The following PTPRZ1 variants were observed in gnomAD, a reference collection of about 807,000 sequenced individuals.
PTPRZ1 encodes the protein protein tyrosine phosphatase receptor type Z1, also known as receptor-type tyrosine-protein phosphatase zeta.
In PTPRZ1, 82 loss-of-function variants were observed where a neutral mutation model predicts 214.1. The ratio of observed to expected loss-of-function variants is 0.38; its 90% CI spans 0.32 to 0.46. The LOEUF (loss-of-function observed/expected upper bound fraction) is 0.46, where lower values mean the gene tolerates loss of function less well. Ranked by LOEUF, PTPRZ1 falls within the 20% of genes least tolerant of loss-of-function variation. The pLI is 1.00. For missense variants in PTPRZ1, 2,603 were observed against 2,748.7 expected (o/e 0.95, Z 1.19); for synonymous variants, 945 against 987.9 (o/e 0.96, Z 0.81).
intron 8 of PTPRZ1, among the ~76,000 whole-genome samples, chr7:121,990,138 C>T (rs1449511324): frequency 3.9e-5 from 6 of 152,094 alleles, no homozygotes; most frequent in Non-Finnish European, 8.8e-5. Flanking sequence ...TATCTAACAT[C>T]CTCATTTTGA....
rs781404031 is a variant in PTPRZ1, at chr7:122,012,567, C to T, written c.3521C>T (p.Ala1174Val). The T allele has an allele frequency of 6.2e-7, 1 of 1,613,534 alleles. No individual in the cohort carries two copies. Among genetic ancestry groups the T allele is most frequent in the Non-Finnish European group, 8.5e-7 (1 of 1,179,474 alleles). ...STQLLFYETS[A>V]SFSTEVLLQP... is the part of the protein sequence containing the mutation. Reference sequence around the variant, plus strand: ...CAGCTCTTATTTTATGAGACCTCAGCTTCTTTTAGTACTGAAGTATTGCTA... The same window carrying T: ...CAGCTCTTATTTTATGAGACCTCAGTTTCTTTTAGTACTGAAGTATTGCTA... The change falls in exon 12 of 30, where the codon GCT (alanine) becomes GTT (valine). Residue 1174 changes from alanine (A) to valine (V), a missense_variant. Coordinates refer to ENST00000393386, the MANE Select transcript of PTPRZ1 (RefSeq NM_002851.3).
chr7:121,958,347 A>G (rs943924001), intron 2 of PTPRZ1, among the ~76,000 whole-genome samples: 1 of 152,090 alleles, frequency 6.6e-6, no homozygotes, highest in African/African-American at 2.4e-5. Flanking sequence ...TGTTGAAACC[A>G]TGTTTCTATG....
intron 12 of PTPRZ1, among the ~76,000 whole-genome samples, chr7:122,016,833 A>G (rs900543996): frequency 3.3e-5 from 5 of 152,046 alleles, no homozygotes; most frequent in Admixed American, 6.6e-5. Flanking sequence ...GCATAATTAT[A>G]TAAGCTTACT....
rs770138838 is a variant in PTPRZ1, at chr7:121,928,234, C to T, written c.124+13C>T. 1 of 1,571,014 alleles carries T rather than the reference C, an allele frequency of 6.4e-7. No individual in the cohort carries two copies. The highest frequency in any genetic ancestry group is 1.2e-5 in the South Asian group (1 of 85,218). On this transcript the variant is annotated intron_variant, in intron 2 of 29. Transcript: ENST00000393386. ...TGGTCCTATACAGGTAAACATATTA[C>T]TTATATAATGAGATTTAGCAGAAAC... is the stretch of plus-strand genomic sequence containing the variant.
intron 1 of PTPRZ1, chr7:121,908,659 A>C (rs1053660967): frequency 2.2e-6 from 1 of 450,520 alleles, no homozygotes; most frequent in Non-Finnish European, 4.3e-6. Context: ...GCTTTTAAAA[A>C]TTAAAAACTT....
chr7:122,035,678 C>A (rs997631261), intron 17 of PTPRZ1, among the ~76,000 whole-genome samples: 3 of 152,170 alleles, frequency 2.0e-5, no homozygotes, highest in African/African-American at 7.2e-5. Context: ...CTTCCATTTG[C>A]ACATACATTC....
intron 4 of PTPRZ1, 90 bp from the exon 5 acceptor site, chr7:121,976,083 G>T (rs984554804): frequency 1.2e-6 from 1 of 814,942 alleles, no homozygotes; most frequent in East Asian, 2.5e-5. Flanking sequence ...ATTTATAAAA[G>T]ATTTTGGAAA....
intron 1 of PTPRZ1, among the ~76,000 whole-genome samples, chr7:121,920,919 C>A (rs555055618): frequency 6.6e-6 from 1 of 152,010 alleles, no homozygotes; most frequent in South Asian, 2.1e-4. Context: ...AAATAGGTTA[C>A]CAAACAGTGT....
chr7:122,036,959 T>C (rs1280298318), intron 18 of PTPRZ1, among the ~76,000 whole-genome samples: 1 of 152,174 alleles, frequency 6.6e-6, no homozygotes, highest in Non-Finnish European at 1.5e-5. Context: ...TAGATTCAGA[T>C]AGGTTTCTAA....
At chr7:122,043,076 A>C (rs549561470) in intron 22 of PTPRZ1, among the ~76,000 whole-genome samples, 5 of 152,286 alleles carry the variant, frequency 3.3e-5, no homozygotes, top group Non-Finnish European at 5.9e-5. Context: ...CATACCAGTT[A>C]TCCTCCTCCT....
intron 17 of PTPRZ1, among the ~76,000 whole-genome samples, chr7:122,035,437 G>T (rs1017643089): frequency 6.6e-6 from 1 of 152,150 alleles, no homozygotes; most frequent in African/African-American, 2.4e-5. Flanking sequence ...TAGAACATAC[G>T]CATCAGGTAA....
intron 1 of PTPRZ1, among the ~76,000 whole-genome samples, chr7:121,902,213 G>A (rs923488797): frequency 6.6e-5 from 10 of 152,098 alleles, no homozygotes; most frequent in African/African-American, 2.2e-4. Context: ...GATGTTCTGT[G>A]ATGTATATAT....
chr7:121,877,768 G>C (rs1471712780), intron 1 of PTPRZ1, among the ~76,000 whole-genome samples: 1 of 152,136 alleles, frequency 6.6e-6, no homozygotes, highest in Non-Finnish European at 1.5e-5. Context: ...TTCACAACTA[G>C]TCGAAAATAA....
intron 6 of PTPRZ1, 70 bp from the exon 7 acceptor site, chr7:121,983,595 T>G: frequency 7.3e-7 from 1 of 1,364,306 alleles, no homozygotes; most frequent in Non-Finnish European, 1.0e-6. Context: ...TGTCTCTGTT[T>G]CATAGAAGTT....
chr7:121,873,943 G>T (rs1257218494), intron 1 of PTPRZ1, among the ~76,000 whole-genome samples: 3 of 152,088 alleles, frequency 2.0e-5, no homozygotes, highest in African/African-American at 7.2e-5. Flanking sequence ...GCTGTGGTGC[G>T]GGGCTGTGTA....
At chr7:122,041,244 A>C (rs1156646378) in intron 21 of PTPRZ1, among the ~76,000 whole-genome samples, 1 of 152,192 alleles carries the variant, frequency 6.6e-6, no homozygotes, top group Non-Finnish European at 1.5e-5. Flanking sequence ...CTTATTAACT[A>C]TTTGAGGCAG....
chr7:121,996,696 A>G, intron 9 of PTPRZ1, 130 bp downstream of exon 9: 1 of 655,266 alleles, frequency 1.5e-6, no homozygotes, highest in Non-Finnish European at 2.3e-6. Flanking sequence ...GGGTAGGCTG[A>G]GTATTTTTAA....
chr7:121,878,814 ACTTAGCACTT>A (rs1462950226), intron 1 of PTPRZ1, among the ~76,000 whole-genome samples: 1 of 152,176 alleles, frequency 6.6e-6, no homozygotes, highest in East Asian at 1.9e-4. Context: ...GCATTCTTGA[ACTTAGCACTT>A]ACAGTAGGTG....
At chr7:121,916,165 T>C (rs1356253194) in intron 1 of PTPRZ1, among the ~76,000 whole-genome samples, 1 of 151,194 alleles carries the variant, frequency 6.6e-6, no homozygotes, top group African/African-American at 2.4e-5. Context: ...TCCCAGCTAC[T>C]TGGAAATCCG....
Sources: gnomAD v4.1 joint callset for allele counts (sites outside exome capture counted in the v4.1 genomes callset) on GRCh38, gnomAD v4.1.1 for gene constraint, MANE v1.5 for transcripts, NCBI Gene and HGNC (gene_info 2026-07-23, HGNC 2026-07-21) for gene names.